AFF2: variants seen among roughly 807,000 people sequenced by gnomAD.
The protein encoded by AFF2 is AF4/FMR2 family member 2.
A neutral mutation model predicts 76.9 loss-of-function variants in AFF2; 14 were observed. That is an observed-to-expected ratio of 0.18 (90% CI 0.12 to 0.28). AFF2 has a LOEUF of 0.28. Ranked by LOEUF, AFF2 falls within the 10% of genes least tolerant of loss-of-function variation. The pLI, the probability that AFF2 is intolerant of heterozygous loss-of-function variation, is 1.00. For synonymous variants in AFF2, 398 were observed against 366.7 expected (o/e 1.09, Z -0.98); for missense variants, 868 against 1,001.1 (o/e 0.87, Z 1.79).
intron 9 of AFF2, among the ~76,000 whole-genome samples, chrX:148,943,097 G>T (rs1308551114): frequency 9.0e-6 from 1 of 111,598 alleles, no homozygotes; most frequent in Admixed American, 9.5e-5. Flanking sequence ...CAGCAGGGCT[G>T]TCTGTACATC....
intron 3 of AFF2, among the ~76,000 whole-genome samples, chrX:148,773,692 AAGAAAGAAAG>A (rs1462729444): frequency 1.3e-5 from 1 of 74,242 alleles, no homozygotes; most frequent in Non-Finnish European, 2.5e-5. Flanking sequence ...GAAGGAAAGA[AAGAAAGAAAG>A]AAAGAAAGAA....
At chrX:148,672,467 C>T (rs2054435468) in intron 3 of AFF2, among the ~76,000 whole-genome samples, 1 of 111,917 alleles carries the variant, frequency 8.9e-6, no homozygotes, top group Non-Finnish European at 1.9e-5. Context: ...AGGACCCAGG[C>T]TTTTAGTGAT....
intron 7 of AFF2, among the ~76,000 whole-genome samples, chrX:148,875,875 T>C (rs782039600): frequency 9.9e-5 from 11 of 111,636 alleles, no homozygotes; most frequent in Non-Finnish European, 2.1e-4. Context: ...CCTGGAATGA[T>C]ACTAGATTAA....
At chrX:148,642,649 C>T (rs1326226281) in intron 1 of AFF2, among the ~76,000 whole-genome samples, 1 of 111,897 alleles carries the variant, frequency 8.9e-6, no homozygotes, top group Non-Finnish European at 1.9e-5. Flanking sequence ...AGCCAGGACA[C>T]ATTGGGACAG....
chrX:148,700,438 G>GTGTA (rs1557261714), intron 3 of AFF2, among the ~76,000 whole-genome samples: 1 of 106,351 alleles, frequency 9.4e-6, no homozygotes, highest in Non-Finnish European at 1.9e-5. Flanking sequence ...GTGTGTGTGT[G>GTGTA]TGTGTGTGTG....
intron 19 of AFF2, 122 bp from the exon 20 acceptor site, chrX:148,987,245 T>C (rs1407914721): frequency 1.1e-5 from 7 of 625,927 alleles, no homozygotes; most frequent in Middle Eastern, 5.3e-4. Context: ...GTGTACGCTA[T>C]GCTAAACTTC....
At chrX:148,808,713 C>G (rs1557271537) in intron 3 of AFF2, among the ~76,000 whole-genome samples, 1 of 111,915 alleles carries the variant, frequency 8.9e-6, no homozygotes, top group African/African-American at 3.3e-5. Flanking sequence ...GGAGCAGGGA[C>G]TTTTCCATGT....
chrX:148,992,431 T>C lies in AFF2; in HGVS notation c.*1099T>C, dbSNP rs2072543657. The C allele has an allele frequency of 8.9e-6, 1 of 112,241 alleles. No homozygotes were observed. The highest frequency in any genetic ancestry group is 1.9e-5 in the Non-Finnish European group (1 of 53,216). 9.2% of individuals were successfully genotyped at this position (112,241 alleles called of 1,213,427 possible). A position where few individuals can be genotyped will look rare whatever the true frequency, so the allele number is the denominator to read the frequency against. On this transcript the variant is annotated 3_prime_UTR_variant, in exon 21 of 21. Transcript: ENST00000370460. ...CCTCAATTATTATTCACATTTTCTC[T>C]CTTATAGGTTTTCTGTTTTCTACTT...
chrX:148,824,845 G>T (rs1220339372), intron 4 of AFF2, among the ~76,000 whole-genome samples: 1 of 111,272 alleles, frequency 9.0e-6, no homozygotes, highest in East Asian at 2.8e-4. Context: ...AGACCAGCCT[G>T]GGGCAACAAA....
At chrX:148,593,328 A>C (rs1447736981) in intron 1 of AFF2, among the ~76,000 whole-genome samples, 1 of 112,296 alleles carries the variant, frequency 8.9e-6, no homozygotes, top group Non-Finnish European at 1.9e-5. Flanking sequence ...AATACAATTC[A>C]AGGCCACCTG....
rs782411248 is a variant in AFF2, at chrX:148,662,208, C to T, written c.481C>T (p.Arg161Cys). The T allele has an allele frequency of 2.9e-5, 35 of 1,208,784 alleles. No homozygotes were observed. Among genetic ancestry groups the T allele is most frequent in the Non-Finnish European group, 3.5e-5 (31 of 894,340 alleles). The change falls in exon 3 of 21, where the codon CGT becomes TGT. Residue 161 changes from arginine to cysteine, a missense_variant. Arg to Cys is a radical substitution (Grantham distance 180). Transcript: ENST00000370460. ...SNRKSKPEWS[R>C]DSHNPSTVLA... is the part of the protein sequence containing the mutation. ...CAGAAAATCAAAACCTGAGTGGTCACGTGATAGTCATAACCCTAGCACTGT... is the reference window on the plus strand; with the variant it reads ...CAGAAAATCAAAACCTGAGTGGTCATGTGATAGTCATAACCCTAGCACTGT...
chrX:148,823,365 AT>A (rs1431781137), intron 4 of AFF2, among the ~76,000 whole-genome samples: 1 of 111,615 alleles, frequency 9.0e-6, no homozygotes, highest in African/African-American at 3.3e-5. Flanking sequence ...AAAGTGTTGA[AT>A]TTTTTGCACT....
Position 148,980,985 on chromosome X carries a change from T to C in AFF2, c.3623+195T>C, listed in dbSNP as rs1016921331. On this transcript the variant is annotated intron_variant, in intron 19 of 20. Transcript: ENST00000370460. ...AAGATGTGCTTCAGAGTTATTTAAC[T>C]ATTTGATCTTTAAGCCAAATTATAG... 2.7e-5 allele frequency among the ~76,000 whole-genome samples: 3 copies of C among 112,057 alleles called. No homozygotes were observed. The Admixed American group carries it at 2.8e-4, about 11-fold the overall frequency.
intron 4 of AFF2, among the ~76,000 whole-genome samples, chrX:148,811,315 G>A (rs2070200146): frequency 9.0e-6 from 1 of 111,201 alleles, no homozygotes; most frequent in African/African-American, 3.3e-5. Flanking sequence ...TGTTAAAAAG[G>A]TTGGGGACTG....
intron 1 of AFF2, among the ~76,000 whole-genome samples, chrX:148,563,422 G>A (rs1377424204): frequency 1.8e-5 from 2 of 111,710 alleles, no homozygotes; most frequent in African/African-American, 6.5e-5. Flanking sequence ...GCAGTGGTGT[G>A]CACCAAGGCA....
intron 1 of AFF2, among the ~76,000 whole-genome samples, chrX:148,556,790 C>G (rs1557239759): frequency 8.9e-6 from 1 of 112,199 alleles, no homozygotes; most frequent in East Asian, 2.8e-4. Flanking sequence ...TGGCTCCATT[C>G]AAATTGGGCC....
chrX:148,810,041 C>T lies in AFF2; in HGVS notation c.1086+121C>T, dbSNP rs2070184599. ...CATGATGGGGAATCCTGATATTCTACTTCAAGACCCTTCTGCTTATTCCAG... is the reference window on the plus strand; with the variant it reads ...CATGATGGGGAATCCTGATATTCTATTTCAAGACCCTTCTGCTTATTCCAG... On this transcript the variant is annotated intron_variant, in intron 4 of 20. Coordinates refer to ENST00000370460, the MANE Select transcript of AFF2 (RefSeq NM_002025.4). 8 of 621,691 alleles carry T rather than the reference C, an allele frequency of 1.3e-5. No homozygotes were observed. The South Asian group carries it at 2.4e-4, about 19-fold the overall frequency. 51.2% of individuals were successfully genotyped at this position (621,691 alleles called of 1,213,427 possible). A position where few individuals can be genotyped will look rare whatever the true frequency, so the allele number is the denominator to read the frequency against.
At chrX:148,555,322 AG>A (rs1557239532) in intron 1 of AFF2, among the ~76,000 whole-genome samples, 1 of 112,172 alleles carries the variant, frequency 8.9e-6, no homozygotes, top group Non-Finnish European at 1.9e-5. Context: ...GGGCTGCGAG[AG>A]GATTATGGTC....
At chrX:148,877,465 A>AG (rs2071047977) in intron 7 of AFF2, among the ~76,000 whole-genome samples, 1 of 112,725 alleles carries the variant, frequency 8.9e-6, no homozygotes, top group Non-Finnish European at 1.9e-5. Context: ...TGAGCATACA[A>AG]ATCAGGTGGG....
Sources: gnomAD v4.1 joint callset for allele counts (sites outside exome capture counted in the v4.1 genomes callset) on GRCh38, gnomAD v4.1.1 for gene constraint, MANE v1.5 for transcripts, NCBI Gene and HGNC (gene_info 2026-07-23, HGNC 2026-07-21) for gene names.